Variants in PTPRR observed in about 807,000 individuals in gnomAD.
PTPRR encodes the protein receptor-type tyrosine-protein phosphatase R.
In PTPRR, 38 loss-of-function variants were observed where a neutral mutation model predicts 77.2. The ratio of observed to expected loss-of-function variants is 0.49; its 90% CI spans 0.38 to 0.65. The LOEUF (loss-of-function observed/expected upper bound fraction) is 0.65, where lower values mean the gene tolerates loss of function less well. PTPRR is among the 30% of genes least tolerant of loss of function. The probability of loss-of-function intolerance (pLI) is 0.00; values close to 1 mark genes in which losing one functional copy is unlikely to be tolerated. For synonymous variants in PTPRR, 299 were observed against 283.1 expected, an observed-to-expected ratio of 1.06 and a Z score of -0.57; for missense variants, 744 against 799.2, an observed-to-expected ratio of 0.93 and a Z score of 0.83.
At chr12:70,765,850 G>A (rs1223203897) in intron 2 of PTPRR, among the ~76,000 whole-genome samples, 2 of 152,296 alleles carry the variant, frequency 1.3e-5, no homozygotes, top group South Asian at 2.1e-4. Context: ...AGCATTCGCA[G>A]TTCACAAACA....
chr12:70,744,160 A>G (rs965510079), intron 6 of PTPRR, among the ~76,000 whole-genome samples: 5 of 152,204 alleles, frequency 3.3e-5, no homozygotes, highest in Admixed American at 2.6e-4. Flanking sequence ...AAGCTAAAAA[A>G]TCAAGTTAAA....
At chr12:70,754,423 C>G (rs1031698957) in intron 4 of PTPRR, 122 bp from the exon 5 acceptor site, 94 of 1,564,040 alleles carry the variant, frequency 6.0e-5, no homozygotes, top group Non-Finnish European at 7.6e-5. Context: ...CACCTACACC[C>G]CCCGCTGCCA....
At chr12:70,688,487 C>A (rs1887949264) in intron 8 of PTPRR, among the ~76,000 whole-genome samples, 1 of 152,086 alleles carries the variant, frequency 6.6e-6, no homozygotes, top group Admixed American at 6.6e-5. Context: ...CAAATTAAAA[C>A]CACAGTATCA....
chr12:70,779,695 T>A (rs992893635), intron 2 of PTPRR, among the ~76,000 whole-genome samples: 16 of 152,190 alleles, frequency 1.1e-4, no homozygotes, highest in Admixed American at 6.5e-5. Flanking sequence ...ATAGTAGGTA[T>A]TTAATAAATT....
chr12:70,784,345 G>A (rs1417574010), intron 2 of PTPRR, among the ~76,000 whole-genome samples: 2 of 152,222 alleles, frequency 1.3e-5, no homozygotes, highest in Non-Finnish European at 2.9e-5. Flanking sequence ...CAAGGCACCT[G>A]GCCATGCCCC....
chr12:70,890,350 A>G (rs1893313943), intron 2 of PTPRR, among the ~76,000 whole-genome samples: 2 of 152,178 alleles, frequency 1.3e-5, no homozygotes, highest in Admixed American at 1.3e-4. Context: ...AAGAAGAAAG[A>G]GGGAAAAAAT....
chr12:70,895,816 C>T lies in PTPRR; in HGVS notation c.59-2839G>A, dbSNP rs557511115. Among the ~76,000 whole-genome samples, 4 of 151,788 alleles carry T rather than the reference C, an allele frequency of 2.6e-5. No homozygotes were observed. The East Asian group carries it at 5.8e-4, about 22-fold the overall frequency. On this transcript the variant is annotated intron_variant, in intron 1 of 13. Transcript: ENST00000283228. Reference sequence around the variant, plus strand: ...ATCCTCAAATGCTACCTATTTCCTCCTTCACTTCAGCTTTATGAATATACT... The same window carrying T: ...ATCCTCAAATGCTACCTATTTCCTCTTTCACTTCAGCTTTATGAATATACT...
At chr12:70,643,655 C>T (rs1366532846) in intron 13 of PTPRR, among the ~76,000 whole-genome samples, 1 of 152,130 alleles carries the variant, frequency 6.6e-6, no homozygotes, top group Non-Finnish European at 1.5e-5. Flanking sequence ...CTCCAGGAAG[C>T]TCTTAGGTCA....
At chr12:70,703,780 C>T (rs1031372827) in intron 6 of PTPRR, among the ~76,000 whole-genome samples, 1 of 152,120 alleles carries the variant, frequency 6.6e-6, no homozygotes, top group Non-Finnish European at 1.5e-5. Context: ...GTCAAATTTT[C>T]AGCCTCAAGA....
At chr12:70,842,835 A>AT (rs759978509) in intron 2 of PTPRR, among the ~76,000 whole-genome samples, 2 of 152,144 alleles carry the variant, frequency 1.3e-5, no homozygotes, top group African/African-American at 4.8e-5. Flanking sequence ...TTGGGGCACC[A>AT]TTTTTTGGCC....
chr12:70,772,049 C>T (rs936251588), intron 2 of PTPRR, among the ~76,000 whole-genome samples: 1 of 151,800 alleles, frequency 6.6e-6, no homozygotes, highest in Admixed American at 6.6e-5. Flanking sequence ...TAATAATAAC[C>T]CTCATTGAAG....
chr12:70,868,765 T>A (rs11178460), intron 2 of PTPRR, among the ~76,000 whole-genome samples: 1 of 151,798 alleles, frequency 6.6e-6, no homozygotes, highest in African/African-American at 2.4e-5. Flanking sequence ...CTATTCACAA[T>A]AGCAAAGACT....
chr12:70,890,362 C>A (rs1007745152), intron 2 of PTPRR, among the ~76,000 whole-genome samples: 1 of 152,086 alleles, frequency 6.6e-6, no homozygotes, highest in African/African-American at 2.4e-5. Context: ...GGAAAAAATT[C>A]ATTTGTGGAT....
intron 2 of PTPRR, among the ~76,000 whole-genome samples, chr12:70,766,695 T>G (rs1228316473): frequency 6.6e-6 from 1 of 150,814 alleles, no homozygotes. Context: ...GAAGAGCAAC[T>G]CCAAGACACA....
At chr12:70,780,101 C>A (rs1891172392) in intron 2 of PTPRR, among the ~76,000 whole-genome samples, 1 of 152,030 alleles carries the variant, frequency 6.6e-6, no homozygotes, top group African/African-American at 2.4e-5. Flanking sequence ...AAGTGATTCT[C>A]CTGCCTCAGC....
At chr12:70,795,305 A>G (rs917792671) in intron 2 of PTPRR, among the ~76,000 whole-genome samples, 1 of 152,194 alleles carries the variant, frequency 6.6e-6, no homozygotes, top group Non-Finnish European at 1.5e-5. Context: ...ATATAACTGT[A>G]ATATTCTTTG....
intron 2 of PTPRR, among the ~76,000 whole-genome samples, chr12:70,773,417 T>C (rs1891022976): frequency 6.6e-6 from 1 of 152,078 alleles, no homozygotes; most frequent in Non-Finnish European, 1.5e-5. Flanking sequence ...TTTTGCACAT[T>C]TTCTTCTGTT....
chr12:70,682,990 T>C (rs1030326192), intron 10 of PTPRR, among the ~76,000 whole-genome samples: 10 of 152,168 alleles, frequency 6.6e-5, no homozygotes, highest in Admixed American at 1.3e-4. Context: ...CCTTATCTAC[T>C]GGCCAAAAAT....
intron 8 of PTPRR, among the ~76,000 whole-genome samples, chr12:70,687,110 G>C: frequency 6.6e-6 from 1 of 151,874 alleles, no homozygotes; most frequent in Non-Finnish European, 1.5e-5. Flanking sequence ...CGTACATACT[G>C]TTAACAGTCT....
Sources: allele counts gnomAD v4.1 joint callset (sites outside exome capture counted in the v4.1 genomes callset), GRCh38; gene constraint gnomAD v4.1.1; transcripts MANE v1.5; gene names NCBI Gene and HGNC (gene_info 2026-07-23, HGNC 2026-07-21).